SLC2A9: variants seen among roughly 807,000 people sequenced by gnomAD.
The protein encoded by SLC2A9 is solute carrier family 2 member 9, also known as solute carrier family 2, facilitated glucose transporter member 9.
SLC2A9 carries 39 observed loss-of-function variants against 50.6 expected under a neutral mutation model. The ratio of observed to expected loss-of-function variants is 0.77; its 90% CI spans 0.60 to 1.01. The LOEUF (loss-of-function observed/expected upper bound fraction) is 1.01. SLC2A9 is among the 50% of genes least tolerant of loss of function. SLC2A9 has a pLI of 0.00. For synonymous variants in SLC2A9, 324 were observed against 276.9 expected, an observed-to-expected ratio of 1.17 and a Z score of -1.69; for missense variants, 686 against 677.6, an observed-to-expected ratio of 1.01 and a Z score of -0.14.
chr4:9,772,590 CA>C (rs975547076), intron 1 of SLC2A9, among the ~76,000 whole-genome samples: 2 of 152,220 alleles, frequency 1.3e-5, no homozygotes, highest in Admixed American at 6.5e-5. Flanking sequence ...CACACAGAAG[CA>C]AACAGAGCCT....
At chr4:9,777,336 C>T (rs1454473565), downstream of SLC2A9, among the ~76,000 whole-genome samples, 9 of 150,682 alleles carry the variant, frequency 6.0e-5, no homozygotes, top group African/African-American at 1.7e-4. Flanking sequence ...CCTCTGTTAC[C>T]GAGGCTGGAG....
chr4:9,822,385 A>G (rs1165416207), downstream of SLC2A9, among the ~76,000 whole-genome samples: 6 of 152,068 alleles, frequency 3.9e-5, no homozygotes, highest in African/African-American at 1.4e-4. Flanking sequence ...GTGAAATTTT[A>G]TATTAATTAT....
At chr4:9,793,602 G>T (rs1431634766) in intron 3 of SLC2A9, among the ~76,000 whole-genome samples, 11 of 152,208 alleles carry the variant, frequency 7.2e-5, no homozygotes, top group Admixed American at 5.2e-4. Flanking sequence ...TCTATTGAAA[G>T]AAGTGAAAGG....
Position 9,980,682 on chromosome 4 carries a change from G to GCC in SLC2A9, c.590_591insGG (p.Ile197MetfsTer9). The GCC allele has an allele frequency of 3.7e-6, 6 of 1,614,132 alleles. No individual in the cohort carries two copies. The highest frequency in any genetic ancestry group is 5.1e-6 in the Non-Finnish European group (6 of 1,180,022). ...CAGTCACCTGCCCCAGAGAGCCACG[G>GCC]ATCTCCTTGGGTGAGATCTCACTAA... On this transcript the variant is annotated frameshift_variant, in exon 5 of 12. Coordinates refer to ENST00000264784, the MANE Select transcript of SLC2A9 (RefSeq NM_020041.3). LOFTEE classifies it high-confidence loss of function.
chr4:9,802,232 T>C (rs1310737963), intron 3 of SLC2A9, among the ~76,000 whole-genome samples: 1 of 151,936 alleles, frequency 6.6e-6, no homozygotes, highest in African/African-American at 2.4e-5. Context: ...CATTTACAGA[T>C]TAAAGGGTTT....
At chr4:9,786,184 C>T (rs1226226765) in intron 3 of SLC2A9, among the ~76,000 whole-genome samples, 1 of 152,192 alleles carries the variant, frequency 6.6e-6, no homozygotes, top group East Asian at 1.9e-4. Flanking sequence ...GAGCTGGGTA[C>T]ACACATGTGT....
Position 9,834,917 on chromosome 4 carries a change from G to T in SLC2A9, c.1383C>A (p.Ser461=), listed in dbSNP as rs772321208. ...GGAAGAGGAGCCCAACAGCAAAGTT[G>T]GAGAGCCAGTTGACGGTGCCTGCAA... ...FIIAGTVNWL[S]NFAVGLLFPF... The change falls in exon 11 of 12, where the codon TCC becomes TCA. Residue 461 remains serine, a synonymous_variant. Transcript: ENST00000264784. The T allele has an allele frequency of 1.2e-6, 2 of 1,614,040 alleles. No individual in the cohort carries two copies. Among genetic ancestry groups the T allele is most frequent in the Middle Eastern group, 1.7e-4 (1 of 6,046 alleles).
chr4:10,036,448 T>A (rs1764107782), intron 1 of SLC2A9, among the ~76,000 whole-genome samples: 1 of 152,252 alleles, frequency 6.6e-6, no homozygotes, highest in Admixed American at 6.5e-5. Flanking sequence ...AGGCCATCGC[T>A]CTTCCATAAC....
intron 5 of SLC2A9, among the ~76,000 whole-genome samples, chr4:9,946,541 G>T (rs1192217441): frequency 1.3e-5 from 2 of 152,226 alleles, no homozygotes; most frequent in Non-Finnish European, 2.9e-5. Context: ...AGTGGCCATT[G>T]CTCCATGCTG....
At position 9,995,955 on chromosome 4, in the gene SLC2A9, C is replaced by G. The variant is rs915417293; in HGVS notation, c.410+826G>C. ...GAAGCTCTACTCTTTCCACACACTG[C>G]TCACTGGCTCCCAGGATGCTGTTGT... On this transcript the variant is annotated intron_variant, in intron 3 of 11. Transcript: ENST00000264784. 22 of 152,572 alleles carry G rather than the reference C, an allele frequency of 1.4e-4. 2 individuals are homozygous for G. Among genetic ancestry groups the G allele is most frequent in the Admixed American group, 1.2e-3 (19 of 15,318 alleles). The allele number at this position is 152,572 out of a possible 1,614,324, so 9.5% of individuals were successfully genotyped here. A position where few individuals can be genotyped will look rare whatever the true frequency, so the allele number is the denominator to read the frequency against.
intron 3 of SLC2A9, among the ~76,000 whole-genome samples, chr4:9,812,183 TC>T (rs1722977170): frequency 6.6e-6 from 1 of 152,212 alleles, no homozygotes; most frequent in South Asian, 2.1e-4. Context: ...TAAAGTTAGT[TC>T]CTATATCTCT....
chr4:9,906,188 A>G (rs535821504), intron 8 of SLC2A9, among the ~76,000 whole-genome samples: 1 of 152,316 alleles, frequency 6.6e-6, no homozygotes, highest in African/African-American at 2.4e-5. Flanking sequence ...GGGGAAACTG[A>G]GTCACAGAGA....
chr4:9,996,836 T>C lies in SLC2A9; in HGVS notation c.355A>G (p.Ile119Val). The change falls in exon 3 of 12, where the codon ATC becomes GTC. Residue 119 changes from isoleucine to valine, a missense_variant. Coordinates refer to ENST00000264784, the MANE Select transcript of SLC2A9 (RefSeq NM_020041.3). The part of the protein sequence containing the change: ...LWSVTVSIFA[I>V]GGLVGTLIVK... Reference sequence around the variant, plus strand: ...ATTAACGTCCCCACAAGTCCACCGATGGCGAATATGGACACAGTCACAGAC... The same window carrying C: ...ATTAACGTCCCCACAAGTCCACCGACGGCGAATATGGACACAGTCACAGAC... 1.2e-6 allele frequency: 2 copies of C among 1,614,210 alleles called. No individual in the cohort carries two copies. The highest frequency in any genetic ancestry group is 1.3e-5 in the African/African-American group (1 of 75,052).
intron 2 of SLC2A9, among the ~76,000 whole-genome samples, chr4:10,007,015 C>A (rs767055393): frequency 2.6e-5 from 4 of 152,128 alleles, no homozygotes; most frequent in Non-Finnish European, 4.4e-5. Flanking sequence ...TAGAAGAGTT[C>A]TTTGGAGCTT....
At chr4:10,007,969 G>A (rs1433739196) in intron 2 of SLC2A9, among the ~76,000 whole-genome samples, 2 of 152,174 alleles carry the variant, frequency 1.3e-5, no homozygotes, top group Non-Finnish European at 2.9e-5. Flanking sequence ...AAATTTCAGG[G>A]TCTTCCCCTA....
chr4:9,889,649 T>C (rs920238564), intron 9 of SLC2A9, among the ~76,000 whole-genome samples: 2 of 152,244 alleles, frequency 1.3e-5, no homozygotes, highest in Non-Finnish European at 2.9e-5. Context: ...CAGTGCCTTC[T>C]TCTAGAAACA....
At chr4:9,773,064 G>C (rs3973946) in intron 1 of SLC2A9, among the ~76,000 whole-genome samples, 140,503 of 152,212 alleles carry the variant, frequency 0.92, 65,051 homozygotes, top group Non-Finnish European at 0.95. Context: ...TCTGTCTACA[G>C]AGTGCTGCCT....
At chr4:9,879,735 A>C (rs1192313911) in intron 10 of SLC2A9, 1 of 985,336 alleles carries the variant, frequency 1.0e-6, no homozygotes, top group Non-Finnish European at 1.2e-6. Flanking sequence ...ACTTGGTGCC[A>C]GGCACAGAGT....
chr4:9,839,667 TC>T (rs1278250520), intron 10 of SLC2A9, among the ~76,000 whole-genome samples: 1 of 151,948 alleles, frequency 6.6e-6, no homozygotes, highest in African/African-American at 2.4e-5. Flanking sequence ...TGAGATCATG[TC>T]CTTTGCAGGG....
Sources: gnomAD v4.1 joint callset for allele counts (sites outside exome capture counted in the v4.1 genomes callset) on GRCh38, gnomAD v4.1.1 for gene constraint, MANE v1.5 for transcripts, NCBI Gene and HGNC (gene_info 2026-07-23, HGNC 2026-07-21) for gene names.